LCP1: variants seen among roughly 807,000 people sequenced by gnomAD.
The protein encoded by LCP1 is lymphocyte cytosolic protein 1, also known as plastin-2.
A neutral mutation model predicts 72.0 loss-of-function variants in LCP1; 23 were observed. The ratio of observed to expected loss-of-function variants is 0.32; its 90% confidence interval spans 0.23 to 0.45. LCP1 has a LOEUF of 0.45. Among genes scored for constraint, LCP1 ranks in the 20% least tolerant of loss-of-function variants. The pLI, the probability that LCP1 is intolerant of heterozygous loss-of-function variation, is 1.00. For synonymous variants in LCP1, 245 were observed against 275.4 expected (o/e 0.89, Z 1.09); for missense variants, 571 against 748.3 (o/e 0.76, Z 2.76).
In LCP1 at chr13:46,147,172, G is replaced by A. The variant is rs187332304; in HGVS notation, c.979-69C>T. ...ATGCACAAAGCAGATTGCATAATGTGAAAAGAAATGGGAATCTCACTGAAA... is the reference window on the plus strand; with the variant it reads ...ATGCACAAAGCAGATTGCATAATGTAAAAAGAAATGGGAATCTCACTGAAA... On this transcript the variant is annotated intron_variant, in intron 9 of 15. Transcript: ENST00000323076. The A allele has an allele frequency of 1.8e-4, 237 of 1,291,572 alleles. 2 individuals are homozygous for A. The African/African-American group carries it at 3.1e-3, about 17-fold the overall frequency. 80.0% of individuals were successfully genotyped at this position (1,291,572 alleles called of 1,614,324 possible).
At chr13:46,134,924 C>T (rs558892911) in intron 13 of LCP1, among the ~76,000 whole-genome samples, 34 of 151,874 alleles carry the variant, frequency 2.2e-4, no homozygotes, top group African/African-American at 7.7e-4. Context: ...GGAAACATAA[C>T]GAAACCCGGT....
intron 14 of LCP1, among the ~76,000 whole-genome samples, chr13:46,131,642 G>A (rs775182060): frequency 7.7e-4 from 117 of 151,976 alleles, no homozygotes; most frequent in Non-Finnish European, 1.5e-3. Context: ...GAGAAAATGT[G>A]GTACATATAC....
intron 13 of LCP1, among the ~76,000 whole-genome samples, chr13:46,141,399 CTG>C (rs2045697051): frequency 1.0e-5 from 1 of 95,328 alleles, no homozygotes; most frequent in African/African-American, 4.5e-5. Context: ...GAGCAAGACT[CTG>C]TCTCAAAAAA....
intron 1 of LCP1, among the ~76,000 whole-genome samples, chr13:46,163,252 A>G (rs1238126287): frequency 6.6e-6 from 1 of 152,242 alleles, no homozygotes; most frequent in Non-Finnish European, 1.5e-5. Flanking sequence ...TCTGTGTAGA[A>G]AGAAGTAGAC....
chr13:46,172,945 C>T (rs1156351993), intron 1 of LCP1, among the ~76,000 whole-genome samples: 1 of 152,142 alleles, frequency 6.6e-6, no homozygotes, highest in Non-Finnish European at 1.5e-5. Context: ...AGTGGAACCT[C>T]TGGAGTCTTA....
At chr13:46,149,897 C>T (rs754073395) in intron 8 of LCP1, among the ~76,000 whole-genome samples, 2 of 152,168 alleles carry the variant, frequency 1.3e-5, no homozygotes, top group African/African-American at 2.4e-5. Flanking sequence ...AAACCCAGGT[C>T]GGTTGGTGGT....
intron 8 of LCP1, 113 bp from the exon 9 acceptor site, chr13:46,148,560 G>A (rs2045744329): frequency 3.0e-6 from 2 of 670,960 alleles, no homozygotes; most frequent in Non-Finnish European, 2.4e-6. Flanking sequence ...TATCATTCCA[G>A]AATGTAACTT....
intron 13 of LCP1, among the ~76,000 whole-genome samples, chr13:46,134,664 C>A: frequency 6.6e-6 from 1 of 151,950 alleles, no homozygotes; most frequent in East Asian, 1.9e-4. Context: ...TACTTTTTGC[C>A]TTATATAAGT....
intron 13 of LCP1, 61 bp downstream of exon 13, chr13:46,142,231 C>T (rs576578603): frequency 1.3e-6 from 2 of 1,546,040 alleles, no homozygotes; most frequent in East Asian, 4.5e-5. Flanking sequence ...TAAAAATTTG[C>T]TAATATTTGT....
chr13:46,167,832 A>G (rs779132855), intron 1 of LCP1, among the ~76,000 whole-genome samples: 4 of 152,220 alleles, frequency 2.6e-5, no homozygotes, highest in Non-Finnish European at 5.9e-5. Flanking sequence ...CATGAAGCCC[A>G]CAGTTAAATA....
At chr13:46,152,716 C>T (rs974069595) in intron 7 of LCP1, 64 bp downstream of exon 7, 1 of 1,512,962 alleles carries the variant, frequency 6.6e-7, no homozygotes, top group Non-Finnish European at 9.0e-7. Context: ...CTTCCTCCTA[C>T]AGTCCCCAAC....
intron 1 of LCP1, among the ~76,000 whole-genome samples, chr13:46,162,543 C>G (rs7328823): frequency 0.012 from 1,815 of 152,184 alleles, 34 homozygotes; most frequent in African/African-American, 0.042. Flanking sequence ...CGTGAGTGAT[C>G]TGCCAGCCTC....
chr13:46,157,162 T>C (rs181338593), intron 4 of LCP1, among the ~76,000 whole-genome samples: 117 of 151,734 alleles, frequency 7.7e-4, no homozygotes, highest in African/African-American at 2.7e-3. Context: ...AATCCAGATA[T>C]ATATTTACAT....
At chr13:46,155,755 G>A (rs1047590911) in intron 5 of LCP1, among the ~76,000 whole-genome samples, 2 of 152,168 alleles carry the variant, frequency 1.3e-5, no homozygotes, top group African/African-American at 2.4e-5. Flanking sequence ...GAGGCCTCCC[G>A]TGGGTAGGAT....
chr13:46,167,821 G>C (rs1040240868), intron 1 of LCP1, among the ~76,000 whole-genome samples: 1 of 152,166 alleles, frequency 6.6e-6, no homozygotes, highest in Non-Finnish European at 1.5e-5. Context: ...GGGGCTTCAG[G>C]CATGAAGCCC....
intron 1 of LCP1, among the ~76,000 whole-genome samples, chr13:46,175,245 G>A (rs1409663393): frequency 1.3e-5 from 2 of 152,202 alleles, no homozygotes; most frequent in Non-Finnish European, 2.9e-5. Context: ...GTGACGCTGG[G>A]TGGAGTAGAT....
intron 7 of LCP1, among the ~76,000 whole-genome samples, chr13:46,152,417 G>GAC (rs1259307045): frequency 3.3e-5 from 5 of 152,096 alleles, no homozygotes; most frequent in African/African-American, 1.2e-4. Flanking sequence ...CTTCACTATA[G>GAC]TATATGAATG....
chr13:46,130,780 C>T, intron 15 of LCP1, 34 bp downstream of exon 15: 1 of 1,611,746 alleles, frequency 6.2e-7, no homozygotes. Flanking sequence ...TGGGTCCTTC[C>T]CTCCCAATCT....
intron 1 of LCP1, among the ~76,000 whole-genome samples, chr13:46,178,214 C>T (rs1593968382): frequency 6.6e-6 from 1 of 152,088 alleles, no homozygotes; most frequent in Non-Finnish European, 1.5e-5. Context: ...AGAAAAACAC[C>T]TGATTCAATG....
Sources: allele counts gnomAD v4.1 joint callset (sites outside exome capture counted in the v4.1 genomes callset), GRCh38; gene constraint gnomAD v4.1.1; transcripts MANE v1.5; gene names NCBI Gene and HGNC (gene_info 2026-07-23, HGNC 2026-07-21).